DSCAM: variants seen among roughly 807,000 people sequenced by gnomAD.
DSCAM encodes DS cell adhesion molecule.
DSCAM carries 47 observed loss-of-function variants against 217.7 expected under a neutral mutation model. The ratio of observed to expected loss-of-function variants is 0.22; its 90% CI spans 0.17 to 0.28. The LOEUF (loss-of-function observed/expected upper bound fraction) is 0.28. Ranked by LOEUF, DSCAM falls within the 10% of genes least tolerant of loss-of-function variation. The pLI, the probability that DSCAM is intolerant of heterozygous loss-of-function variation, is 1.00. For missense variants in DSCAM, 2,080 were observed against 2,618.3 expected (o/e 0.79, Z 4.49); for synonymous variants, 1,056 against 1,015.3 (o/e 1.04, Z -0.76).
chr21:40,462,484 T>C (rs1569133751), intron 3 of DSCAM, among the ~76,000 whole-genome samples: 1 of 152,230 alleles, frequency 6.6e-6, no homozygotes, highest in Non-Finnish European at 1.5e-5. Flanking sequence ...TCCAAAATGT[T>C]ACTGCACATT....
At chr21:40,422,256 G>A (rs13051065) in intron 3 of DSCAM, among the ~76,000 whole-genome samples, 13,795 of 152,166 alleles carry the variant, frequency 0.091, 704 homozygotes, top group Non-Finnish European at 0.12. Context: ...GCCTTCGAGG[G>A]CATATACCCT....
At chr21:40,690,084 A>G (rs2090523024) in intron 3 of DSCAM, among the ~76,000 whole-genome samples, 1 of 152,186 alleles carries the variant, frequency 6.6e-6, no homozygotes, top group Admixed American at 6.5e-5. Context: ...GCTGGTAACC[A>G]GAGAGAAATA....
chr21:40,563,820 T>TTATATGTTTATATATGTTTATATGTTTA (rs1568908101), intron 3 of DSCAM, among the ~76,000 whole-genome samples: 1 of 147,788 alleles, frequency 6.8e-6, no homozygotes, highest in Non-Finnish European at 1.5e-5. Flanking sequence ...GTATATATAG[T>TTATATGTTTATATATGTTTATATGTTTA]TATATGTTTA....
At position 40,498,029 on chromosome 21, in the gene DSCAM, G is replaced by C. The variant is rs192827017; in HGVS notation, c.509-128784C>G. 4.6e-5 allele frequency among the ~76,000 whole-genome samples: 7 copies of C among 152,298 alleles called. No individual in the cohort carries two copies. The East Asian group carries it at 1.4e-3, about 29-fold the overall frequency. On this transcript the variant is annotated intron_variant, in intron 3 of 32. Transcript: ENST00000400454. ...TAGGTTGCATAGTAAAGTGTTAAGA[G>C]TATGGATTTTGGCATTAGATCTGGG...
At chr21:40,567,684 C>T (rs900990195) in intron 3 of DSCAM, among the ~76,000 whole-genome samples, 1 of 152,206 alleles carries the variant, frequency 6.6e-6, no homozygotes, top group African/African-American at 2.4e-5. Context: ...ACATCTGTCT[C>T]CCCTCACGGG....
At chr21:40,277,291 G>A (rs554631483) in intron 10 of DSCAM, among the ~76,000 whole-genome samples, 1 of 152,274 alleles carries the variant, frequency 6.6e-6, no homozygotes, top group African/African-American at 2.4e-5. Context: ...AGCTGAACAA[G>A]TCAGACGTCT....
intron 3 of DSCAM, among the ~76,000 whole-genome samples, chr21:40,619,417 T>A (rs73216202): frequency 0.088 from 13,460 of 152,284 alleles, 686 homozygotes; most frequent in South Asian, 0.15. Flanking sequence ...AAGATTAATA[T>A]GTTGGGGTAA....
chr21:40,224,890 T>C (rs528299918), intron 11 of DSCAM, among the ~76,000 whole-genome samples: 21 of 152,324 alleles, frequency 1.4e-4, no homozygotes, highest in Non-Finnish European at 2.5e-4. Context: ...CCATGTTTTG[T>C]CCTAAATTGA....
chr21:40,248,333 T>C (rs969984327), intron 11 of DSCAM, among the ~76,000 whole-genome samples: 1 of 152,234 alleles, frequency 6.6e-6, no homozygotes, highest in Non-Finnish European at 1.5e-5. Context: ...CAAACTTTTA[T>C]GCTCTGCTTC....
intron 4 of DSCAM, among the ~76,000 whole-genome samples, chr21:40,366,015 T>C (rs1481249361): frequency 6.6e-6 from 1 of 152,184 alleles, no homozygotes; most frequent in Non-Finnish European, 1.5e-5. Context: ...CATTAGTCTG[T>C]TTATATTCTC....
At chr21:40,252,203 G>T (rs1277594751) in intron 11 of DSCAM, among the ~76,000 whole-genome samples, 1 of 152,204 alleles carries the variant, frequency 6.6e-6, no homozygotes, top group East Asian at 1.9e-4. Context: ...ATTTTAAGCT[G>T]CAAAATCTGT....
chr21:40,712,352 A>T (rs2090789185), intron 1 of DSCAM, among the ~76,000 whole-genome samples: 1 of 151,722 alleles, frequency 6.6e-6, no homozygotes, highest in Non-Finnish European at 1.5e-5. Flanking sequence ...AGTCCCAGCT[A>T]CTCGGGAGGC....
chr21:40,201,733 A>G (rs1601435699), intron 11 of DSCAM, among the ~76,000 whole-genome samples: 1 of 152,254 alleles, frequency 6.6e-6, no homozygotes, highest in East Asian at 1.9e-4. Context: ...GAGCCATTGT[A>G]CTCAGCAGAA....
rs528640151 is a variant in DSCAM at position 40,348,889 on chromosome 21, C to G, written c.935-944G>C. Among the ~76,000 whole-genome samples the G allele has an allele frequency of 1.2e-3, 176 of 152,082 alleles. 1 individual carries two copies. Among genetic ancestry groups the G allele is most frequent in the Middle Eastern group, 3.4e-3 (1 of 294 alleles). ...AGGCATGGTGGCTCACACCTGTAAT[C>G]CCAGCACTTTGTGAGGCCAAAGTGG... On this transcript the variant is annotated intron_variant, in intron 5 of 32. Coordinates refer to ENST00000400454, the MANE Select transcript of DSCAM (RefSeq NM_001389.5).
At chr21:40,191,376 A>G (rs1303898981) in intron 11 of DSCAM, among the ~76,000 whole-genome samples, 4 of 152,180 alleles carry the variant, frequency 2.6e-5, no homozygotes, top group Non-Finnish European at 5.9e-5. Context: ...AGTCCTGCAT[A>G]TCAAGGACAG....
chr21:40,380,681 T>C (rs187284962), intron 3 of DSCAM, among the ~76,000 whole-genome samples: 29 of 152,086 alleles, frequency 1.9e-4, no homozygotes, highest in African/African-American at 7.0e-4. Context: ...CATGGATAAG[T>C]AGAGCTAAGA....
chr21:40,799,024 A>G (rs1601279141), intron 1 of DSCAM, among the ~76,000 whole-genome samples: 1 of 152,162 alleles, frequency 6.6e-6, no homozygotes, highest in South Asian at 2.1e-4. Context: ...GAAAAATGTT[A>G]TTACCCTATA....
rs774560671 is a variant in DSCAM at position 40,187,878 on chromosome 21, A to G, written c.2650+13T>C. ...ATGACTGTGTTTATTCTCTTACGCT[A>G]TCGTCTTCCTACCTTGCACTGTGAG... On this transcript the variant is annotated intron_variant, in intron 13 of 32. Coordinates refer to ENST00000400454, the MANE Select transcript of DSCAM (RefSeq NM_001389.5). The G allele has an allele frequency of 2.0e-5, 32 of 1,602,522 alleles. 1 individual carries two copies. The highest frequency in any genetic ancestry group is 6.7e-5 in the East Asian group (3 of 44,834).
chr21:40,147,589 A>T (rs1227865306), intron 16 of DSCAM, among the ~76,000 whole-genome samples: 1 of 152,160 alleles, frequency 6.6e-6, no homozygotes, highest in East Asian at 1.9e-4. Context: ...TAATTATCTC[A>T]TTTTGTTTTA....
Sources: allele counts gnomAD v4.1 joint callset (sites outside exome capture counted in the v4.1 genomes callset), GRCh38; gene constraint gnomAD v4.1.1; transcripts MANE v1.5; gene names NCBI Gene and HGNC (gene_info 2026-07-23, HGNC 2026-07-21).